SDK1: variants seen among roughly 807,000 people sequenced by gnomAD.
The protein encoded by SDK1 is sidekick cell adhesion molecule 1.
SDK1 carries 157 observed loss-of-function variants against 245.5 expected under a neutral mutation model. The observed-to-expected ratio is 0.64, with a 90% CI of 0.56 to 0.73. The LOEUF (loss-of-function observed/expected upper bound fraction) is 0.73. SDK1 is among the 30% of genes least tolerant of loss of function. The pLI is 0.00. For missense variants in SDK1, 3,583 were observed against 3,002.3 expected (o/e 1.19, Z -4.52); for synonymous variants, 1,647 against 1,278.5 (o/e 1.29, Z -6.15).
intron 1 of SDK1, among the ~76,000 whole-genome samples, chr7:3,535,585 C>T (rs770897431): frequency 9.2e-5 from 14 of 152,122 alleles, no homozygotes; most frequent in Admixed American, 2.6e-4. Flanking sequence ...CTGTAAAGCG[C>T]GGGCCTTCTA....
chr7:3,757,367 G>A (rs1779963456), intron 4 of SDK1, among the ~76,000 whole-genome samples: 1 of 152,014 alleles, frequency 6.6e-6, no homozygotes, highest in Non-Finnish European at 1.5e-5. Context: ...CTGAGTAGCT[G>A]GGACCTAAGG....
intron 13 of SDK1, among the ~76,000 whole-genome samples, chr7:3,982,265 G>A (rs528248766): frequency 4.6e-5 from 7 of 152,288 alleles, no homozygotes; most frequent in African/African-American, 1.4e-4. Context: ...GCTCAGAAAA[G>A]AAAAATTCCT....
chr7:4,224,681 C>T (rs1261957886), intron 40 of SDK1, among the ~76,000 whole-genome samples: 1 of 151,958 alleles, frequency 6.6e-6, no homozygotes, highest in Non-Finnish European at 1.5e-5. Context: ...GCCAACAGAT[C>T]GCCACAGGGA....
At chr7:3,985,689 A>G (rs76190966) in intron 13 of SDK1, among the ~76,000 whole-genome samples, 3,050 of 152,312 alleles carry the variant, frequency 0.02, 122 homozygotes, top group African/African-American at 0.07. Context: ...ACAATTAAAG[A>G]GAAAACAAGA....
At chr7:3,574,434 C>T (rs754972343) in intron 1 of SDK1, among the ~76,000 whole-genome samples, 12 of 151,980 alleles carry the variant, frequency 7.9e-5, no homozygotes, top group African/African-American at 1.2e-4. Flanking sequence ...TCATTTGACC[C>T]TGTGGTGTGA....
chr7:4,265,039 G>A, intron 44 of SDK1, 85 bp from the exon 45 acceptor site: 2 of 1,533,078 alleles, frequency 1.3e-6, no homozygotes, highest in Non-Finnish European at 1.7e-6. Context: ...CTGGGGAGGT[G>A]CCCCCACCGC....
chr7:3,467,029 C>CACAGAG (rs1288513856), intron 1 of SDK1, among the ~76,000 whole-genome samples: 357 of 137,600 alleles, frequency 2.6e-3, no homozygotes, highest in African/African-American at 9.0e-3. Flanking sequence ...CACACACACA[C>CACAGAG]AGAGATGTAA....
intron 1 of SDK1, among the ~76,000 whole-genome samples, chr7:3,600,399 G>A (rs977515204): frequency 2.0e-5 from 3 of 151,928 alleles, no homozygotes; most frequent in Non-Finnish European, 4.4e-5. Flanking sequence ...TTTCCTTCCA[G>A]TATGTACATC....
At chr7:3,447,196 T>C (rs1031242132) in intron 1 of SDK1, among the ~76,000 whole-genome samples, 1 of 152,210 alleles carries the variant, frequency 6.6e-6, no homozygotes, top group Non-Finnish European at 1.5e-5. Flanking sequence ...CATTAACCTA[T>C]ATTAGAGGAG....
Position 4,119,447 on chromosome 7 carries a change from C to T in SDK1, c.3823+5173C>T, listed in dbSNP as rs947587732. On this transcript the variant is annotated intron_variant, in intron 25 of 44. Transcript: ENST00000404826. ...TGCAGCCTGGGTGGCAGAGCAAGAC[C>T]CTGTCTCTAAAAAAAATAATAAGAA... Among the ~76,000 whole-genome samples the T allele has an allele frequency of 8.1e-5, 12 of 147,718 alleles. 1 individual carries two copies. Among genetic ancestry groups the T allele is most frequent in the African/African-American group, 3.0e-4 (12 of 40,378 alleles).
chr7:3,507,820 C>T (rs1274761841), intron 1 of SDK1, among the ~76,000 whole-genome samples: 1 of 152,170 alleles, frequency 6.6e-6, no homozygotes, highest in Admixed American at 6.5e-5. Flanking sequence ...CATATCTGGA[C>T]CTGCCCTTAT....
At chr7:3,938,835 C>T (rs976199525) in intron 5 of SDK1, among the ~76,000 whole-genome samples, 2 of 152,148 alleles carry the variant, frequency 1.3e-5, no homozygotes, top group Non-Finnish European at 2.9e-5. Context: ...AACTGCAGCA[C>T]TGTCTTTTAT....
intron 5 of SDK1, among the ~76,000 whole-genome samples, chr7:3,849,743 C>T (rs1232020951): frequency 1.3e-5 from 2 of 152,160 alleles, no homozygotes; most frequent in Non-Finnish European, 2.9e-5. Context: ...TGTGTTACAA[C>T]AAGTAGTCTT....
intron 1 of SDK1, among the ~76,000 whole-genome samples, chr7:3,371,551 G>T (rs1200769003): frequency 6.6e-6 from 1 of 152,090 alleles, no homozygotes; most frequent in Non-Finnish European, 1.5e-5. Flanking sequence ...CAAAAAAGCT[G>T]ATCGAAATAA....
intron 3 of SDK1, among the ~76,000 whole-genome samples, chr7:3,639,740 C>T (rs1017097030): frequency 1.3e-5 from 2 of 152,020 alleles, no homozygotes; most frequent in African/African-American, 4.8e-5. Context: ...TTTTCTAATT[C>T]AAAATCTATG....
At position 4,055,566 on chromosome 7, in the gene SDK1, G is replaced by GT. The variant is rs1414034321; in HGVS notation, c.2911+3743dup. ...GTTGTTGTTGTTGTTTTTGTTTTTT[G>GT]TTTTTTTAGAACCAGCCTCTTGTTC... is the stretch of plus-strand genomic sequence containing the variant. On this transcript the variant is annotated intron_variant, in intron 19 of 44. Transcript: ENST00000404826. 3.3e-5 allele frequency among the ~76,000 whole-genome samples: 5 copies of GT among 149,522 alleles called. No homozygotes were observed. The South Asian group carries it at 8.4e-4, about 25-fold the overall frequency.
At chr7:3,699,969 A>T (rs1784692988) in intron 4 of SDK1, among the ~76,000 whole-genome samples, 1 of 146,380 alleles carries the variant, frequency 6.8e-6, no homozygotes, top group South Asian at 2.3e-4. Context: ...ACAGTACCTG[A>T]CATATAGGGG....
rs745565942 is a variant in SDK1 at position 3,767,275 on chromosome 7, CT to C, written c.714-54172del. ...AGGGACACTTGGACTCTGGGACTGC[CT>C]TTGGTGAGTTGACCCAGGGACTAAG... On this transcript the variant is annotated intron_variant, in intron 4 of 44. Transcript: ENST00000404826. Among the ~76,000 whole-genome samples, 4 of 151,994 alleles carry C rather than the reference CT, an allele frequency of 2.6e-5. No individual in the cohort carries two copies. In the South Asian group the frequency reaches 8.3e-4, roughly 32 times the overall value.
At position 3,579,804 on chromosome 7, in the gene SDK1, A is replaced by G. The variant is rs190182685; in HGVS notation, c.299-39276A>G. The stretch of plus-strand genomic sequence containing the variant: ...AAGAAAGGGCATCCAAAGAGAGAGG[A>G]AGTCAAAGTATCCTTTGTTTGCAGG... On this transcript the variant is annotated intron_variant, in intron 1 of 44. Transcript: ENST00000404826. Among the ~76,000 whole-genome samples the G allele has an allele frequency of 2.4e-3, 369 of 152,328 alleles. 3 individuals carry two copies. Among genetic ancestry groups the G allele is most frequent in the South Asian group, 0.018 (86 of 4,832 alleles).
Sources: gnomAD v4.1 joint callset for allele counts (sites outside exome capture counted in the v4.1 genomes callset) on GRCh38, gnomAD v4.1.1 for gene constraint, MANE v1.5 for transcripts, NCBI Gene and HGNC (gene_info 2026-07-23, HGNC 2026-07-21) for gene names.